Variants in NDST4 observed in about 807,000 individuals in gnomAD.
NDST4 encodes the protein N-deacetylase and N-sulfotransferase 4.
Under a neutral mutation model 100.8 loss-of-function variants are expected in NDST4, and 63 were observed. The observed-to-expected ratio is 0.62, with a 90% CI of 0.51 to 0.77. The LOEUF (loss-of-function observed/expected upper bound fraction) is 0.77, where lower values mean the gene tolerates loss of function less well. Among genes scored for constraint, NDST4 ranks in the 30% least tolerant of loss-of-function variants. The probability of loss-of-function intolerance (pLI) is 0.00; values close to 1 mark genes in which losing one functional copy is unlikely to be tolerated. For synonymous variants in NDST4, 377 were observed against 361.8 expected, an observed-to-expected ratio of 1.04 and a Z score of -0.48; for missense variants, 943 against 1,018.4, an observed-to-expected ratio of 0.93 and a Z score of 1.01.
At chr4:115,072,351 T>G (rs1041293471) in intron 2 of NDST4, among the ~76,000 whole-genome samples, 46 of 152,010 alleles carry the variant, frequency 3.0e-4, no homozygotes, top group African/African-American at 1.0e-3. Context: ...AGAAAAAAAT[T>G]TTTAAAAGAT....
chr4:114,878,777 T>C (rs1425848020), intron 6 of NDST4, among the ~76,000 whole-genome samples: 1 of 152,044 alleles, frequency 6.6e-6, no homozygotes, highest in Non-Finnish European at 1.5e-5. Context: ...GATATTCAGT[T>C]AAAATAAATT....
At chr4:114,981,270 A>AAGG (rs1560842207) in intron 2 of NDST4, among the ~76,000 whole-genome samples, 7 of 146,588 alleles carry the variant, frequency 4.8e-5, no homozygotes, top group South Asian at 2.1e-4. Flanking sequence ...AGGAAGGAAG[A>AAGG]AAGCAGGAAA....
At chr4:115,007,404 G>C (rs1727442925) in intron 2 of NDST4, among the ~76,000 whole-genome samples, 1 of 152,144 alleles carries the variant, frequency 6.6e-6, no homozygotes, top group Admixed American at 6.6e-5. Context: ...AAGAACACAG[G>C]CTATACGCAA....
At chr4:114,960,375 A>T (rs949553767) in intron 4 of NDST4, among the ~76,000 whole-genome samples, 1 of 152,096 alleles carries the variant, frequency 6.6e-6, no homozygotes, top group Non-Finnish European at 1.5e-5. Flanking sequence ...TGGGAGGCCA[A>T]CGCGGGCAGA....
At position 114,844,435 on chromosome 4, in the gene NDST4, C is replaced by T. The variant is rs28523432; in HGVS notation, c.2115+1388G>A. On this transcript the variant is annotated intron_variant, in intron 10 of 13. Coordinates refer to ENST00000264363, the MANE Select transcript of NDST4 (RefSeq NM_022569.3). Reference sequence around the variant, plus strand: ...ACCTAGGATTTTCCCACTAGCCACGCGGAATTTCTTCTAGCTCTTTAAATG... The same window carrying T: ...ACCTAGGATTTTCCCACTAGCCACGTGGAATTTCTTCTAGCTCTTTAAATG... Among the ~76,000 whole-genome samples, 424 of 152,262 alleles carry T rather than the reference C, an allele frequency of 2.8e-3. 3 individuals are homozygous for T. Among genetic ancestry groups the T allele is most frequent in the African/African-American group, 9.5e-3 (395 of 41,540 alleles).
chr4:115,087,008 C>T (rs1729421398), intron 1 of NDST4, among the ~76,000 whole-genome samples: 1 of 151,990 alleles, frequency 6.6e-6, no homozygotes, highest in Admixed American at 6.6e-5. Context: ...GCTAAGATTT[C>T]ATCACTGAAT....
chr4:114,880,692 T>A (rs1377086260), intron 6 of NDST4, among the ~76,000 whole-genome samples: 1 of 152,138 alleles, frequency 6.6e-6, no homozygotes, highest in South Asian at 2.1e-4. Context: ...ACTAAATAAA[T>A]TATCCATAGT....
intron 5 of NDST4, 87 bp from the exon 6 acceptor site, chr4:114,935,421 G>T (rs1452045806): frequency 7.9e-7 from 1 of 1,262,044 alleles, no homozygotes; most frequent in Non-Finnish European, 1.0e-6. Flanking sequence ...TCTGCAAATT[G>T]TAATTTCCTA....
At chr4:114,916,200 A>G (rs933052027) in intron 6 of NDST4, among the ~76,000 whole-genome samples, 1 of 152,148 alleles carries the variant, frequency 6.6e-6, no homozygotes, top group East Asian at 1.9e-4. Flanking sequence ...AAGGAAGGTC[A>G]CCATTTCAAT....
At chr4:114,943,473 C>G (rs1303366004) in intron 4 of NDST4, among the ~76,000 whole-genome samples, 1 of 152,104 alleles carries the variant, frequency 6.6e-6, no homozygotes, top group Non-Finnish European at 1.5e-5. Context: ...CTCTCTGATT[C>G]TTTTCTCCCA....
intron 2 of NDST4, among the ~76,000 whole-genome samples, chr4:115,007,062 G>A (rs185518837): frequency 6.6e-4 from 101 of 152,186 alleles, no homozygotes; most frequent in Admixed American, 1.2e-3. Flanking sequence ...CTTAATTCCC[G>A]TATAAAATGA....
At chr4:114,896,686 C>T (rs1724721946) in intron 6 of NDST4, among the ~76,000 whole-genome samples, 1 of 151,332 alleles carries the variant, frequency 6.6e-6, no homozygotes, top group Admixed American at 6.6e-5. Flanking sequence ...ACATATTATT[C>T]TAGAAATCAA....
chr4:114,916,536 C>CTGTGTGTGTGTG (rs537961796), intron 6 of NDST4, among the ~76,000 whole-genome samples: 34 of 129,108 alleles, frequency 2.6e-4, no homozygotes, highest in African/African-American at 8.5e-4. Context: ...CTGGTAGGCT[C>CTGTGTGTGTGTG]TGTGTGTGTG....
rs188149934 is a variant in NDST4 at position 114,844,120 on chromosome 4, A to G, written c.2115+1703T>C. 3.9e-5 allele frequency among the ~76,000 whole-genome samples: 6 copies of G among 152,248 alleles called. No individual in the cohort carries two copies. The East Asian group carries it at 1.2e-3, about 29-fold the overall frequency. The stretch of plus-strand genomic sequence containing the variant: ...AAATTCTGTTGATTTTAATGTCTAA[A>G]TATCTCTGAATACTTATTCTTCATT... On this transcript the variant is annotated intron_variant, in intron 10 of 13. Transcript: ENST00000264363.
At chr4:115,041,771 T>C (rs1479072837) in intron 2 of NDST4, among the ~76,000 whole-genome samples, 1 of 152,080 alleles carries the variant, frequency 6.6e-6, no homozygotes, top group African/African-American at 2.4e-5. Context: ...GATGTCTGAG[T>C]TTCTGCCTAT....
intron 2 of NDST4, among the ~76,000 whole-genome samples, chr4:115,009,225 A>G (rs1727488398): frequency 7.7e-6 from 1 of 129,132 alleles, no homozygotes; most frequent in Non-Finnish European, 1.7e-5. Flanking sequence ...CCGCATCACC[A>G]AGTCAATCCT....
intron 6 of NDST4, among the ~76,000 whole-genome samples, chr4:114,929,074 G>A (rs112331621): frequency 0.12 from 14,448 of 119,922 alleles, 1,015 homozygotes; most frequent in South Asian, 0.2. Flanking sequence ...CCGTCCGTCC[G>A]TCCATCCATC....
At chr4:114,964,537 G>A (rs1726338002) in intron 4 of NDST4, among the ~76,000 whole-genome samples, 2 of 152,104 alleles carry the variant, frequency 1.3e-5, no homozygotes, top group Admixed American at 1.3e-4. Flanking sequence ...AAATTGGCAG[G>A]TGTTCCATAT....
At chr4:114,897,672 A>G (rs1724745606) in intron 6 of NDST4, among the ~76,000 whole-genome samples, 2 of 152,202 alleles carry the variant, frequency 1.3e-5, no homozygotes, top group Non-Finnish European at 2.9e-5. Flanking sequence ...CCAATCAGCT[A>G]TACCATTTTC....
Sources: gnomAD v4.1 joint callset for allele counts (sites outside exome capture counted in the v4.1 genomes callset) on GRCh38, gnomAD v4.1.1 for gene constraint, MANE v1.5 for transcripts, NCBI Gene and HGNC (gene_info 2026-07-23, HGNC 2026-07-21) for gene names.